Variants in ADARB2 observed in about 807,000 individuals in gnomAD.
The protein encoded by ADARB2 is inactive double-stranded RNA-specific editase B2.
Under a neutral mutation model 62.2 loss-of-function variants are expected in ADARB2, and 25 were observed. That is an observed-to-expected ratio of 0.40 (90% CI 0.29 to 0.56). The LOEUF is 0.56. Among genes scored for constraint, ADARB2 ranks in the 20% least tolerant of loss-of-function variants. The pLI is 0.43. For synonymous variants in ADARB2, 572 were observed against 500.8 expected, an observed-to-expected ratio of 1.14 and a Z score of -1.90; for missense variants, 1,071 against 1,077.4, an observed-to-expected ratio of 0.99 and a Z score of 0.08.
At chr10:1,512,765 G>A (rs1488332770) in intron 1 of ADARB2, among the ~76,000 whole-genome samples, 1 of 152,224 alleles carries the variant, frequency 6.6e-6, no homozygotes, top group Non-Finnish European at 1.5e-5. Flanking sequence ...CCAGGGATGT[G>A]GAGCAGGTGC....
chr10:1,209,376 C>A (rs1365962035), intron 7 of ADARB2, among the ~76,000 whole-genome samples: 1 of 147,082 alleles, frequency 6.8e-6, no homozygotes, highest in Admixed American at 6.7e-5. Flanking sequence ...CATGCCCACA[C>A]CTACAGCCTC....
chr10:1,703,370 C>T (rs1834848128), intron 1 of ADARB2, among the ~76,000 whole-genome samples: 1 of 152,042 alleles, frequency 6.6e-6, no homozygotes, highest in African/African-American at 2.4e-5. Flanking sequence ...GGAGCTCCAC[C>T]CCGAGGCACA....
chr10:1,718,704 G>A (rs538145779), intron 1 of ADARB2, among the ~76,000 whole-genome samples: 3 of 152,276 alleles, frequency 2.0e-5, no homozygotes, highest in East Asian at 1.9e-4. Flanking sequence ...GGGGCAGCAC[G>A]ACCCAGTTGA....
intron 1 of ADARB2, among the ~76,000 whole-genome samples, chr10:1,654,055 C>T (rs553317916): frequency 1.6e-4 from 25 of 152,192 alleles, no homozygotes; most frequent in African/African-American, 5.5e-4. Context: ...GTGCCTTCAG[C>T]ATCCGATGCT....
intron 1 of ADARB2, among the ~76,000 whole-genome samples, chr10:1,653,431 T>C (rs1207254386): frequency 6.6e-6 from 1 of 152,078 alleles, no homozygotes; most frequent in Admixed American, 6.5e-5. Context: ...CTCTGTGGGG[T>C]CCCAGGAATG....
At chr10:1,694,209 A>G (rs1209926258) in intron 1 of ADARB2, among the ~76,000 whole-genome samples, 1 of 152,216 alleles carries the variant, frequency 6.6e-6, no homozygotes, top group Non-Finnish European at 1.5e-5. Flanking sequence ...CGGTTTTACT[A>G]CAAGCATTCT....
intron 1 of ADARB2, among the ~76,000 whole-genome samples, chr10:1,542,689 C>T (rs1334797921): frequency 9.3e-5 from 3 of 32,356 alleles, no homozygotes; most frequent in African/African-American, 1.1e-4. Flanking sequence ...CACTCAGACG[C>T]AGTTCGGACC....
At chr10:1,448,243 G>A (rs976819275) in intron 1 of ADARB2, among the ~76,000 whole-genome samples, 4 of 152,176 alleles carry the variant, frequency 2.6e-5, no homozygotes, top group African/African-American at 4.8e-5. Flanking sequence ...GGAAGATTAG[G>A]TTTTGGGCTG....
At chr10:1,348,612 C>G (rs911172036) in intron 3 of ADARB2, among the ~76,000 whole-genome samples, 4 of 152,204 alleles carry the variant, frequency 2.6e-5, no homozygotes, top group South Asian at 2.1e-4. Context: ...CCTCCCACCC[C>G]CTCTGCTCTG....
At chr10:1,258,102 C>T (rs1031598690) in intron 4 of ADARB2, among the ~76,000 whole-genome samples, 2 of 152,160 alleles carry the variant, frequency 1.3e-5, no homozygotes, top group Non-Finnish European at 2.9e-5. Context: ...CTTCTCCTTC[C>T]CTTTCCTAGC....
intron 1 of ADARB2, among the ~76,000 whole-genome samples, chr10:1,475,168 G>GT (rs1554765929): frequency 6.6e-6 from 1 of 151,964 alleles, no homozygotes; most frequent in Non-Finnish European, 1.5e-5. Flanking sequence ...GCACTCAGGA[G>GT]CCCCCCCGGG....
rs192183407 is a variant in ADARB2 at position 1,638,939 on chromosome 10, G to A, written c.100+98112C>T. On this transcript the variant is annotated intron_variant, in intron 1 of 9. Transcript: ENST00000381312. ...AGGTCTTTTTCTTAAAGGAGGTGGA[G>A]AGGCTGCCTTGCCTGCACTCACACG... 9.1e-4 allele frequency among the ~76,000 whole-genome samples: 139 copies of A among 152,362 alleles called. No individual in the cohort carries two copies. In the Middle Eastern group the frequency reaches 0.014, roughly 15 times the overall value.
chr10:1,256,355 G>T (rs1210441576), intron 4 of ADARB2, among the ~76,000 whole-genome samples: 1 of 152,224 alleles, frequency 6.6e-6, no homozygotes, highest in Non-Finnish European at 1.5e-5. Flanking sequence ...CCCTGATGGG[G>T]TCTGGGAGCA....
chr10:1,559,144 A>G (rs1832754063), intron 1 of ADARB2, among the ~76,000 whole-genome samples: 1 of 152,180 alleles, frequency 6.6e-6, no homozygotes, highest in Non-Finnish European at 1.5e-5. Context: ...AGCTCAAGAG[A>G]GAATGATGTG....
intron 3 of ADARB2, among the ~76,000 whole-genome samples, chr10:1,273,268 T>A (rs902774411): frequency 3.9e-5 from 6 of 152,236 alleles, no homozygotes; most frequent in African/African-American, 9.6e-5. Flanking sequence ...TTAATTTTTT[T>A]ATTTTTCTTT....
rs566600558 is a variant in ADARB2 at position 1,178,136 on chromosome 10, G to A, written c.*5057C>T. On this transcript the variant is annotated 3_prime_UTR_variant, in exon 10 of 10. Coordinates refer to ENST00000381312, the MANE Select transcript of ADARB2 (RefSeq NM_018702.4). ...CCCCCAGCCCCAGCATGAACCTGTT[G>A]TGTGGATCCCTCGTGGGGGGATGGT... 5.8e-5 allele frequency: 4 copies of A among 68,510 alleles called. No individual in the cohort carries two copies. In the South Asian group the frequency reaches 3.2e-3, roughly 54 times the overall value. 4.2% of individuals were successfully genotyped at this position (68,510 alleles called of 1,614,324 possible). A position where few individuals can be genotyped will look rare whatever the true frequency, so the allele number is the denominator to read the frequency against.
At chr10:1,638,268 C>A (rs748112346) in intron 1 of ADARB2, among the ~76,000 whole-genome samples, 3 of 152,094 alleles carry the variant, frequency 2.0e-5, no homozygotes, top group Admixed American at 6.6e-5. Context: ...TAACAATGAG[C>A]TTTGATTGTT....
chr10:1,191,974 A>G (rs1836851449), intron 8 of ADARB2, among the ~76,000 whole-genome samples: 1 of 152,234 alleles, frequency 6.6e-6, no homozygotes, highest in South Asian at 2.1e-4. Context: ...CTGCTGTTAC[A>G]TCACCATTAC....
At chr10:1,572,808 C>A (rs554502432) in intron 1 of ADARB2, among the ~76,000 whole-genome samples, 65 of 152,332 alleles carry the variant, frequency 4.3e-4, no homozygotes, top group African/African-American at 1.5e-3. Context: ...GCCAGGACTT[C>A]CCCTGCGTGG....
Sources: allele counts gnomAD v4.1 joint callset (sites outside exome capture counted in the v4.1 genomes callset), GRCh38; gene constraint gnomAD v4.1.1; transcripts MANE v1.5; gene names NCBI Gene and HGNC (gene_info 2026-07-23, HGNC 2026-07-21).